Variants in SLC39A11 observed in about 807,000 individuals in gnomAD.
SLC39A11 encodes the protein zinc transporter ZIP11.
SLC39A11 carries 33 observed loss-of-function variants against 36.1 expected under a neutral mutation model. The ratio of observed to expected loss-of-function variants is 0.91; its 90% CI spans 0.69 to 1.22. The LOEUF is 1.22. Among genes scored for constraint, SLC39A11 ranks in the 50% most tolerant of loss-of-function variants. The probability of loss-of-function intolerance (pLI) is 0.00; values close to 1 mark genes in which losing one functional copy is unlikely to be tolerated. For missense variants in SLC39A11, 432 were observed against 430.3 expected (o/e 1.00, Z -0.03); for synonymous variants, 166 against 170.3 (o/e 0.97, Z 0.20).
At chr17:73,009,089 C>A (rs922477994) in intron 4 of SLC39A11, among the ~76,000 whole-genome samples, 12 of 139,894 alleles carry the variant, frequency 8.6e-5, no homozygotes, top group South Asian at 2.2e-4. Context: ...GGCAGGGGGG[C>A]GGGGTGGCTC....
chr17:72,755,008 C>A (rs972882184), intron 6 of SLC39A11, among the ~76,000 whole-genome samples: 1 of 152,186 alleles, frequency 6.6e-6, no homozygotes, highest in Non-Finnish European at 1.5e-5. Flanking sequence ...ATGAAACCTG[C>A]CTTTTTGTAT....
chr17:73,067,668 T>G (rs189662272), intron 3 of SLC39A11, among the ~76,000 whole-genome samples: 1 of 152,196 alleles, frequency 6.6e-6, no homozygotes, highest in Non-Finnish European at 1.5e-5. Flanking sequence ...CCATCTTTTA[T>G]GATGACTGGC....
chr17:72,761,416 G>A (rs2713979), intron 6 of SLC39A11, among the ~76,000 whole-genome samples: 28,650 of 152,090 alleles, frequency 0.19, 3,110 homozygotes, highest in East Asian at 0.4. Context: ...ACCCAGCCCA[G>A]GCCTCCCAAT....
At chr17:72,727,391 C>T (rs1404202991) in intron 7 of SLC39A11, among the ~76,000 whole-genome samples, 2 of 152,168 alleles carry the variant, frequency 1.3e-5, no homozygotes, top group South Asian at 2.1e-4. Flanking sequence ...CAGTGGCTCA[C>T]GCCTGTAATC....
intron 5 of SLC39A11, among the ~76,000 whole-genome samples, chr17:72,874,521 GCTGCTGGTAATTCAAGGTCCTATAAT>G (rs1202604478): frequency 6.6e-6 from 1 of 152,184 alleles, no homozygotes; most frequent in Non-Finnish European, 1.5e-5. Context: ...GGAAAACCCC[GCTGCTGGTAATTCAAGGTCCTATAAT>G]CTTCTCCCAT....
chr17:72,778,649 C>T (rs1255914385), intron 6 of SLC39A11, among the ~76,000 whole-genome samples: 3 of 152,212 alleles, frequency 2.0e-5, no homozygotes, highest in Non-Finnish European at 2.9e-5. Flanking sequence ...TTAGAGCCAC[C>T]ACCAGCTGCT....
chr17:72,667,731 A>G (rs1427733740), intron 7 of SLC39A11, among the ~76,000 whole-genome samples: 1 of 152,236 alleles, frequency 6.6e-6, no homozygotes, highest in Non-Finnish European at 1.5e-5. Context: ...CATGGCAGGA[A>G]CACCAGCACT....
chr17:73,072,974 G>A (rs1181190432), intron 3 of SLC39A11, among the ~76,000 whole-genome samples: 2 of 152,214 alleles, frequency 1.3e-5, no homozygotes, highest in African/African-American at 4.8e-5. Flanking sequence ...GTGGTCAGGA[G>A]TTCAAGACCA....
intron 6 of SLC39A11, among the ~76,000 whole-genome samples, chr17:72,805,369 A>C (rs2077217163): frequency 6.6e-6 from 1 of 152,120 alleles, no homozygotes; most frequent in Admixed American, 6.5e-5. Context: ...CTTGGAATGC[A>C]TCCCAGGGCT....
chr17:72,760,073 C>A (rs536153492), intron 6 of SLC39A11, among the ~76,000 whole-genome samples: 2 of 152,210 alleles, frequency 1.3e-5, no homozygotes, highest in Non-Finnish European at 2.9e-5. Context: ...GTCACCAAAG[C>A]TGGAGTGCAG....
At chr17:72,861,690 A>ATATAT (rs2080028657) in intron 5 of SLC39A11, among the ~76,000 whole-genome samples, 5 of 75,686 alleles carry the variant, frequency 6.6e-5, no homozygotes, top group South Asian at 4.2e-4. Context: ...TATATATATA[A>ATATAT]AATATATATA....
chr17:73,030,510 C>T (rs977636297), intron 4 of SLC39A11, among the ~76,000 whole-genome samples: 1 of 152,174 alleles, frequency 6.6e-6, no homozygotes, highest in Non-Finnish European at 1.5e-5. Flanking sequence ...ACCTACCTCC[C>T]GGGGTACATG....
chr17:72,862,034 T>G (rs976350963), intron 5 of SLC39A11, among the ~76,000 whole-genome samples: 4 of 151,902 alleles, frequency 2.6e-5, no homozygotes, highest in African/African-American at 9.7e-5. Context: ...ACCAAAACCA[T>G]GAATCAACCC....
At chr17:72,947,507 A>T in intron 5 of SLC39A11, 2 of 562,788 alleles carry the variant, frequency 3.6e-6, no homozygotes, top group Non-Finnish European at 6.3e-6. Context: ...AGTCGAAAAG[A>T]TGATCAAAAG....
chr17:72,709,190 G>A (rs1041335851), intron 7 of SLC39A11, among the ~76,000 whole-genome samples: 8 of 152,156 alleles, frequency 5.3e-5, no homozygotes, highest in South Asian at 2.1e-4. Flanking sequence ...CATCTACCTC[G>A]GCCTCCCAAA....
At chr17:72,924,929 G>A (rs1372946240) in intron 5 of SLC39A11, among the ~76,000 whole-genome samples, 1 of 150,140 alleles carries the variant, frequency 6.7e-6, no homozygotes, top group Non-Finnish European at 1.5e-5. Flanking sequence ...TTGAACCTGG[G>A]AGTCAGAGGT....
intron 3 of SLC39A11, among the ~76,000 whole-genome samples, chr17:73,055,358 A>G (rs1183546511): frequency 1.3e-5 from 2 of 152,134 alleles, no homozygotes; most frequent in Admixed American, 1.3e-4. Flanking sequence ...TGTCTGCACA[A>G]TTGAGTCTCA....
At chr17:72,803,252 A>ACTG (rs2077153530) in intron 6 of SLC39A11, among the ~76,000 whole-genome samples, 1 of 152,178 alleles carries the variant, frequency 6.6e-6, no homozygotes, top group Admixed American at 6.5e-5. Flanking sequence ...ATGCTTACTG[A>ACTG]CTGCTGGGCC....
chr17:72,934,064 A>C (rs572564652), intron 5 of SLC39A11, among the ~76,000 whole-genome samples: 1 of 152,134 alleles, frequency 6.6e-6, no homozygotes, highest in African/African-American at 2.4e-5. Flanking sequence ...ACTCTACCTG[A>C]CACCATATTT....
Sources: gnomAD v4.1 joint callset for allele counts (sites outside exome capture counted in the v4.1 genomes callset) on GRCh38, gnomAD v4.1.1 for gene constraint, MANE v1.5 for transcripts, NCBI Gene and HGNC (gene_info 2026-07-23, HGNC 2026-07-21) for gene names.